ROBO2: variants seen among roughly 807,000 people sequenced by gnomAD.
ROBO2 encodes roundabout homolog 2.
ROBO2 carries 53 observed loss-of-function variants against 160.8 expected under a neutral mutation model. The observed-to-expected ratio is 0.33, with a 90% CI of 0.26 to 0.41. The LOEUF (loss-of-function observed/expected upper bound fraction) is 0.41. ROBO2 is among the 10% of genes least tolerant of loss of function. The pLI, the probability that ROBO2 is intolerant of heterozygous loss-of-function variation, is 1.00. For missense variants in ROBO2, 1,577 were observed against 1,722.4 expected (o/e 0.92, Z 1.49); for synonymous variants, 664 against 611.7 (o/e 1.09, Z -1.26).
At chr3:75,967,751 T>C (rs1949169318) in intron 2 of ROBO2, among the ~76,000 whole-genome samples, 1 of 151,544 alleles carries the variant, frequency 6.6e-6, no homozygotes. Context: ...TTAGCCTCTT[T>C]AAATAAACAC....
chr3:77,507,255 G>A (rs765291042), intron 5 of ROBO2, among the ~76,000 whole-genome samples: 1 of 152,118 alleles, frequency 6.6e-6, no homozygotes, highest in Non-Finnish European at 1.5e-5. Flanking sequence ...GAAAAAAGAA[G>A]AAAGCCTTTT....
intron 2 of ROBO2, among the ~76,000 whole-genome samples, chr3:76,885,312 G>A (rs1233532517): frequency 2.0e-5 from 3 of 152,088 alleles, no homozygotes; most frequent in Admixed American, 6.6e-5. Context: ...GAGAAAAGGT[G>A]ACTATTGAAT....
At chr3:77,204,421 G>C (rs944090193) in intron 2 of ROBO2, among the ~76,000 whole-genome samples, 11 of 152,016 alleles carry the variant, frequency 7.2e-5, no homozygotes, top group African/African-American at 2.4e-4. Context: ...AAAGAATTAA[G>C]GTTCAGCTTT....
intron 2 of ROBO2, among the ~76,000 whole-genome samples, chr3:76,679,884 G>T (rs2106892747): frequency 6.6e-6 from 1 of 151,846 alleles, no homozygotes; most frequent in East Asian, 1.9e-4. Context: ...TCCTTCTTTG[G>T]CTTATTACAG....
chr3:76,094,541 A>T (rs1255795653), intron 2 of ROBO2, among the ~76,000 whole-genome samples: 1 of 152,196 alleles, frequency 6.6e-6, no homozygotes, highest in Non-Finnish European at 1.5e-5. Flanking sequence ...CACAAATAAA[A>T]TGTACTGCTC....
At chr3:76,465,022 G>T (rs1290534561) in intron 2 of ROBO2, among the ~76,000 whole-genome samples, 1 of 151,994 alleles carries the variant, frequency 6.6e-6, no homozygotes, top group Non-Finnish European at 1.5e-5. Context: ...TCAAGGGAAG[G>T]TATTCTATTG....
At chr3:76,397,929 G>C (rs1383039667) in intron 2 of ROBO2, among the ~76,000 whole-genome samples, 1 of 151,992 alleles carries the variant, frequency 6.6e-6, no homozygotes, top group African/African-American at 2.4e-5. Context: ...ATTCCTCAGG[G>C]ATCTAGAACT....
chr3:76,373,491 C>T (rs981441448), intron 2 of ROBO2, among the ~76,000 whole-genome samples: 3 of 151,856 alleles, frequency 2.0e-5, no homozygotes, highest in Non-Finnish European at 4.4e-5. Context: ...TTGGATGGCC[C>T]ATAGAACACT....
intron 2 of ROBO2, among the ~76,000 whole-genome samples, chr3:76,854,765 G>A (rs1366066633): frequency 6.6e-6 from 1 of 152,024 alleles, no homozygotes; most frequent in African/African-American, 2.4e-5. Flanking sequence ...TCAATAGTTA[G>A]CATAGAAATG....
At chr3:76,972,751 C>T (rs1431118132) in intron 2 of ROBO2, among the ~76,000 whole-genome samples, 2 of 152,050 alleles carry the variant, frequency 1.3e-5, no homozygotes, top group Non-Finnish European at 2.9e-5. Context: ...CCCAGTTACT[C>T]TGGAGGCTGA....
chr3:76,267,658 T>C (rs1707177711), intron 2 of ROBO2, among the ~76,000 whole-genome samples: 2 of 152,174 alleles, frequency 1.3e-5, no homozygotes, highest in Admixed American at 6.6e-5. Flanking sequence ...AATTAACTTT[T>C]ATCAATAGTT....
chr3:76,350,535 A>G (rs922631495), intron 2 of ROBO2, among the ~76,000 whole-genome samples: 1 of 152,100 alleles, frequency 6.6e-6, no homozygotes, highest in Non-Finnish European at 1.5e-5. Flanking sequence ...TATGAATTTG[A>G]AGTGACTTTC....
intron 2 of ROBO2, among the ~76,000 whole-genome samples, chr3:77,295,392 C>G (rs764622524): frequency 6.0e-5 from 9 of 149,458 alleles, no homozygotes; most frequent in African/African-American, 2.3e-4. Flanking sequence ...GGCTAGAGCA[C>G]TAAAGACATA....
chr3:76,992,462 T>C (rs189427787), intron 2 of ROBO2, among the ~76,000 whole-genome samples: 1 of 150,988 alleles, frequency 6.6e-6, no homozygotes, highest in East Asian at 1.9e-4. Context: ...CTGAAATACA[T>C]CTCTAAAGAA....
intron 2 of ROBO2, among the ~76,000 whole-genome samples, chr3:75,950,620 G>A (rs2107182615): frequency 6.6e-6 from 1 of 151,920 alleles, no homozygotes; most frequent in Non-Finnish European, 1.5e-5. Flanking sequence ...TTCATTCAAT[G>A]TCATTTCATT....
intron 24 of ROBO2, chr3:77,642,868 A>T: frequency 2.2e-6 from 1 of 456,708 alleles, no homozygotes; most frequent in Non-Finnish European, 4.4e-6. Context: ...GCAGCGACAA[A>T]CCCAGGAATG....
At chr3:76,710,701 A>T (rs1225975358) in intron 2 of ROBO2, among the ~76,000 whole-genome samples, 5 of 152,132 alleles carry the variant, frequency 3.3e-5, no homozygotes, top group African/African-American at 4.8e-5. Flanking sequence ...ATAATGAACT[A>T]TTGAAGGATT....
chr3:76,170,541 G>T (rs2073003668), intron 2 of ROBO2, among the ~76,000 whole-genome samples: 1 of 152,102 alleles, frequency 6.6e-6, no homozygotes, highest in Non-Finnish European at 1.5e-5. Flanking sequence ...TCATTACAGT[G>T]AAACAAATAT....
intron 2 of ROBO2, among the ~76,000 whole-genome samples, chr3:76,876,243 C>T (rs562042583): frequency 2.6e-5 from 4 of 152,242 alleles, no homozygotes; most frequent in East Asian, 1.9e-4. Flanking sequence ...ACTCATCAAA[C>T]GAAAACATTT....
Sources: allele counts gnomAD v4.1 joint callset (sites outside exome capture counted in the v4.1 genomes callset), GRCh38; gene constraint gnomAD v4.1.1; transcripts MANE v1.5; gene names NCBI Gene and HGNC (gene_info 2026-07-23, HGNC 2026-07-21).